PRRC2C: variants seen among roughly 807,000 people sequenced by gnomAD.
PRRC2C encodes proline rich coiled-coil 2C.
PRRC2C carries 72 observed loss-of-function variants against 317.2 expected under a neutral mutation model. That is an observed-to-expected ratio of 0.23 (90% CI 0.19 to 0.28). PRRC2C has a LOEUF of 0.28. Ranked by LOEUF, PRRC2C falls within the 10% of genes least tolerant of loss-of-function variation. The probability of loss-of-function intolerance (pLI) is 1.00; values close to 1 mark genes in which losing one functional copy is unlikely to be tolerated. For missense variants in PRRC2C, 3,074 were observed against 3,459.7 expected (o/e 0.89, Z 2.80); for synonymous variants, 1,296 against 1,205.9 (o/e 1.07, Z -1.55).
At position 171,512,881 on chromosome 1, in the gene PRRC2C, G is replaced by T. The variant is rs990763578; in HGVS notation, c.113-114G>T. On this transcript the variant is annotated intron_variant, in intron 2 of 34. Transcript: ENST00000647382. Reference sequence around the variant, plus strand: ...TTAAAATTATTATTTTAAAATACATGAATGAAAATCATTCAGGGATTGCAT... The same window carrying T: ...TTAAAATTATTATTTTAAAATACATTAATGAAAATCATTCAGGGATTGCAT... The T allele has an allele frequency of 6.9e-5, 65 of 944,398 alleles. No individual in the cohort carries two copies. The African/African-American group carries it at 1.0e-3, about 15-fold the overall frequency. The allele number at this position is 944,398 out of a possible 1,614,324, so 58.5% of individuals were successfully genotyped here.
At chr1:171,581,874 G>A (rs1272388395) in intron 28 of PRRC2C, among the ~76,000 whole-genome samples, 2 of 152,142 alleles carry the variant, frequency 1.3e-5, no homozygotes, top group African/African-American at 4.8e-5. Flanking sequence ...TTTGATTTAG[G>A]TGCTTATTCT....
At chr1:171,529,123 T>C (rs1371959196) in intron 11 of PRRC2C, among the ~76,000 whole-genome samples, 4 of 152,198 alleles carry the variant, frequency 2.6e-5, no homozygotes, top group African/African-American at 9.6e-5. Flanking sequence ...TACTTGCATC[T>C]GAGACACCTC....
intron 6 of PRRC2C, among the ~76,000 whole-genome samples, chr1:171,519,155 A>G (rs540732364): frequency 2.0e-5 from 3 of 152,272 alleles, no homozygotes; most frequent in East Asian, 3.9e-4. Context: ...AAGTGCTGGG[A>G]TTATAGGCAT....
At chr1:171,488,568 A>T (rs6661903) in intron 1 of PRRC2C, among the ~76,000 whole-genome samples, 140,168 of 152,274 alleles carry the variant, frequency 0.92, 64,555 homozygotes, top group East Asian at 0.97. Context: ...GCTCAAGAGA[A>T]TCTCCTGCCT....
At chr1:171,537,213 G>T in intron 14 of PRRC2C, 50 bp from the exon 15 acceptor site, 1 of 1,387,276 alleles carries the variant, frequency 7.2e-7, no homozygotes, top group Non-Finnish European at 1.0e-6. Context: ...GTTTTGTTTC[G>T]TTCATTTTTC....
At chr1:171,585,493 ATT>A (rs1649677223) in intron 30 of PRRC2C, among the ~76,000 whole-genome samples, 2 of 152,128 alleles carry the variant, frequency 1.3e-5, no homozygotes, top group Admixed American at 1.3e-4. Context: ...GTTGTTTGCT[ATT>A]TTAGGGAGTG....
intron 24 of PRRC2C, among the ~76,000 whole-genome samples, chr1:171,571,726 T>C (rs574721865): frequency 1.6e-4 from 25 of 152,336 alleles, no homozygotes; most frequent in African/African-American, 5.8e-4. Flanking sequence ...AATTTTTGGA[T>C]ATATGGGTTT....
intron 20 of PRRC2C, among the ~76,000 whole-genome samples, chr1:171,562,350 G>C (rs1395814149): frequency 1.3e-5 from 2 of 152,164 alleles, no homozygotes; most frequent in African/African-American, 4.8e-5. Flanking sequence ...GGATCCTGTA[G>C]GGCCTATGGA....
Position 171,535,544 on chromosome 1 carries a change from G to T in PRRC2C, c.1990G>T (p.Gly664Cys). 2 of 1,613,994 alleles carry T rather than the reference G, an allele frequency of 1.2e-6. No homozygotes were observed. The highest frequency in any genetic ancestry group is 1.7e-6 in the Non-Finnish European group (2 of 1,179,882). Residue 664 changes from glycine (G) to cysteine (C), a missense_variant, in exon 13 of 35, where the codon GGC becomes TGC. By Grantham distance (159) the Gly-to-Cys change is radical. Coordinates refer to ENST00000647382, the MANE Select transcript of PRRC2C (RefSeq NM_001387844.1). ...TCAACCTCGGCCGGCTGTATTATCT[G>T]GCTATTTCAAACAGTTTCAGAAGTC... The part of the protein sequence containing the change: ...GSQPRPAVLS[G>C]YFKQFQKSLP...
At chr1:171,533,014 T>G in intron 12 of PRRC2C, 53 bp downstream of exon 12, 5 of 1,458,490 alleles carry the variant, frequency 3.4e-6, no homozygotes, top group Non-Finnish European at 3.6e-6. Context: ...AGCTTTATGT[T>G]GGTTACAGTT....
At chr1:171,571,474 A>G in intron 24 of PRRC2C, 53 bp downstream of exon 24, 3 of 1,301,042 alleles carry the variant, frequency 2.3e-6, no homozygotes, top group South Asian at 1.2e-5. Flanking sequence ...GCAAGGGGAC[A>G]TAAGTTAACA....
chr1:171,527,143 C>A (rs1319809438), intron 10 of PRRC2C, among the ~76,000 whole-genome samples: 1 of 148,996 alleles, frequency 6.7e-6, no homozygotes, highest in Admixed American at 6.7e-5. Context: ...CTTTTTCTTT[C>A]CTTTTTTGAG....
intron 18 of PRRC2C, among the ~76,000 whole-genome samples, chr1:171,552,214 CTT>C (rs2102594890): frequency 6.6e-6 from 1 of 152,244 alleles, no homozygotes; most frequent in African/African-American, 2.4e-5. Context: ...ATTTTATTCT[CTT>C]TGAAGCAATT....
intron 14 of PRRC2C, 97 bp from the exon 15 acceptor site, chr1:171,537,166 C>A: frequency 1.1e-6 from 1 of 922,862 alleles, no homozygotes. Context: ...GAGAATTCCA[C>A]CTAACAATTA....
intron 1 of PRRC2C, among the ~76,000 whole-genome samples, chr1:171,489,399 A>G (rs1666715584): frequency 6.6e-6 from 1 of 152,214 alleles, no homozygotes; most frequent in Admixed American, 6.5e-5. Flanking sequence ...GTCCACTCCC[A>G]AGGTGTTCAC....
At position 171,587,585 on chromosome 1, in the gene PRRC2C, T is replaced by C. The variant is rs529807490; in HGVS notation, c.7969-63T>C. 4.2e-6 allele frequency: 5 copies of C among 1,187,986 alleles called. No homozygotes were observed. In the South Asian group the frequency reaches 6.5e-5, roughly 16 times the overall value. 73.6% of individuals were successfully genotyped at this position (1,187,986 alleles called of 1,614,324 possible). A position where few individuals can be genotyped will look rare whatever the true frequency, so the allele number is the denominator to read the frequency against. ...ATTACGTCTTCACGTATAGGACATG[T>C]AAACACAGCACTTAGCTTGTGGAAT... On this transcript the variant is annotated intron_variant, in intron 31 of 34. Coordinates refer to ENST00000647382, the MANE Select transcript of PRRC2C (RefSeq NM_001387844.1).
At position 171,557,672 on chromosome 1, in the gene PRRC2C, T is replaced by C; in HGVS notation, c.5560T>C (p.Ser1854Pro). 1 of 1,551,218 alleles carries C rather than the reference T, an allele frequency of 6.4e-7. No individual in the cohort carries two copies. Among genetic ancestry groups the C allele is most frequent in the East Asian group, 2.4e-5 (1 of 40,912 alleles). ...PILASVSTPA[S>P]VTILASASIP... Reference sequence around the variant, plus strand: ...CCTTGCCTCAGTTTCAACCCCAGCTTCTGTCACCATTCTTGCCTCAGCCTC... The same window carrying C: ...CCTTGCCTCAGTTTCAACCCCAGCTCCTGTCACCATTCTTGCCTCAGCCTC... The change falls in exon 19 of 35, where the codon TCT (serine) becomes CCT (proline). Residue 1854 changes from serine to proline, a missense_variant. By Grantham distance (74) the Ser-to-Pro change is moderately conservative (BLOSUM62 -1). Coordinates refer to ENST00000647382, the MANE Select transcript of PRRC2C (RefSeq NM_001387844.1).
Position 171,577,439 on chromosome 1 carries a change from G to A in PRRC2C, c.6961G>A (p.Gly2321Ser). 1 of 1,601,616 alleles carries A rather than the reference G, an allele frequency of 6.2e-7. No individual in the cohort carries two copies. The highest frequency in any genetic ancestry group is 8.5e-7 in the Non-Finnish European group (1 of 1,169,722). ...ATTTGCTTCCCCAAATATAGGAGCTGGTACATACACTACCTCTTCTTTGAG... is the reference window on the plus strand; with the variant it reads ...ATTTGCTTCCCCAAATATAGGAGCTAGTACATACACTACCTCTTCTTTGAG... ...VTPTASLSGA[G>S]TYTTSSLSTK... The change falls in exon 26 of 35, where the codon GGT becomes AGT. Residue 2321 changes from glycine (G) to serine (S), a missense_variant. Gly to Ser is a moderately conservative substitution (Grantham distance 56). This residue lies in a region of PRRC2C where 490 missense variants were observed against 663.1 expected (regional missense o/e 0.74). Coordinates refer to ENST00000647382, the MANE Select transcript of PRRC2C (RefSeq NM_001387844.1).
At chr1:171,504,303 C>T (rs1284020705) in intron 1 of PRRC2C, among the ~76,000 whole-genome samples, 1 of 152,216 alleles carries the variant, frequency 6.6e-6, no homozygotes, top group East Asian at 1.9e-4. Context: ...TTATAAATTT[C>T]ATTTTTTATA....
Sources: gnomAD v4.1 joint callset for allele counts (sites outside exome capture counted in the v4.1 genomes callset) on GRCh38, gnomAD v4.1.1 for gene constraint, gnomAD v4.1.1 regional missense constraint, MANE v1.5 for transcripts, NCBI Gene and HGNC (gene_info 2026-07-23, HGNC 2026-07-21) for gene names.